Variants in CHM observed in about 807,000 individuals in gnomAD.
CHM encodes rab proteins geranylgeranyltransferase component A 1.
CHM carries 10 observed loss-of-function variants against 49.0 expected under a neutral mutation model. That is an observed-to-expected ratio of 0.20 (90% CI 0.13 to 0.35). The LOEUF is 0.35. Ranked by LOEUF, CHM falls within the 10% of genes least tolerant of loss-of-function variation. The pLI, the probability that CHM is intolerant of heterozygous loss-of-function variation, is 1.00. For synonymous variants in CHM, 184 were observed against 167.5 expected, an observed-to-expected ratio of 1.10 and a Z score of -0.76; for missense variants, 455 against 478.4, an observed-to-expected ratio of 0.95 and a Z score of 0.46.
At chrX:86,028,551 C>T (rs1212348987) in intron 1 of CHM, among the ~76,000 whole-genome samples, 1 of 111,281 alleles carries the variant, frequency 9.0e-6, no homozygotes, top group Non-Finnish European at 1.9e-5. Flanking sequence ...AGCTGATTAT[C>T]ATAAAAAGAC....
intron 5 of CHM, among the ~76,000 whole-genome samples, chrX:85,962,691 T>C (rs887688445): frequency 2.7e-5 from 3 of 111,950 alleles, no homozygotes; most frequent in African/African-American, 9.7e-5. Context: ...TCTCAACTTA[T>C]AGGATTTAGT....
intron 1 of CHM, among the ~76,000 whole-genome samples, chrX:86,040,910 T>G (rs923834815): frequency 3.6e-5 from 4 of 112,191 alleles, no homozygotes; most frequent in Non-Finnish European, 7.5e-5. Context: ...CAACAGTGAT[T>G]TTTAGCCTAT....
chrX:85,988,050 C>A (rs758953036), intron 2 of CHM, among the ~76,000 whole-genome samples: 4 of 111,873 alleles, frequency 3.6e-5, no homozygotes, highest in Non-Finnish European at 7.5e-5. Flanking sequence ...AGGGATATAA[C>A]AGAAAAAGAA....
intron 2 of CHM, among the ~76,000 whole-genome samples, chrX:85,990,529 T>A (rs768217480): frequency 1.6e-4 from 18 of 111,642 alleles, no homozygotes; most frequent in Non-Finnish European, 2.8e-4. Context: ...TTTTGAAAGC[T>A]TCGCATAGCT....
At chrX:86,014,162 G>C (rs1933194102) in intron 2 of CHM, among the ~76,000 whole-genome samples, 1 of 112,055 alleles carries the variant, frequency 8.9e-6, no homozygotes, top group African/African-American at 3.2e-5. Flanking sequence ...AAATGGGAAA[G>C]AGATGTTATG....
intron 14 of CHM, among the ~76,000 whole-genome samples, chrX:85,867,886 T>C (rs1287466911): frequency 1.8e-5 from 2 of 112,226 alleles, no homozygotes; most frequent in African/African-American, 6.5e-5. Context: ...CCAATTACTA[T>C]AGACAATTTA....
chrX:85,874,571 C>T (rs1435187516), intron 13 of CHM, among the ~76,000 whole-genome samples: 1 of 111,318 alleles, frequency 9.0e-6, no homozygotes, highest in East Asian at 2.8e-4. Context: ...ATTTAATTTA[C>T]AGTATCTCCA....
intron 8 of CHM, among the ~76,000 whole-genome samples, chrX:85,942,207 G>A (rs1216518459): frequency 1.8e-5 from 2 of 109,157 alleles, no homozygotes; most frequent in African/African-American, 3.3e-5. Context: ...TATATGAAGA[G>A]GTGCCTATAT....
At chrX:85,915,003 A>G (rs769138337) in intron 8 of CHM, among the ~76,000 whole-genome samples, 1 of 110,278 alleles carries the variant, frequency 9.1e-6, no homozygotes, top group African/African-American at 3.3e-5. Flanking sequence ...CCCAACTTAT[A>G]CCACAAACAA....
chrX:85,921,305 A>G (rs1456966191), intron 8 of CHM, among the ~76,000 whole-genome samples: 1 of 111,584 alleles, frequency 9.0e-6, no homozygotes, highest in Non-Finnish European at 1.9e-5. Context: ...GCAACCAAAG[A>G]TGGCAAACAT....
intron 2 of CHM, among the ~76,000 whole-genome samples, chrX:85,990,909 A>G: frequency 8.9e-6 from 1 of 112,299 alleles, no homozygotes; most frequent in African/African-American, 3.2e-5. Flanking sequence ...TACATATTGT[A>G]TTGTGAAATG....
At chrX:85,890,507 G>A (rs1230858053) in intron 12 of CHM, among the ~76,000 whole-genome samples, 4 of 111,253 alleles carry the variant, frequency 3.6e-5, no homozygotes, top group African/African-American at 6.5e-5. Flanking sequence ...TCTTTCCCAC[G>A]CTATTCTCGT....
chrX:85,939,556 G>C (rs949003014), intron 8 of CHM, among the ~76,000 whole-genome samples: 1 of 112,292 alleles, frequency 8.9e-6, no homozygotes, highest in Non-Finnish European at 1.9e-5. Context: ...ACAGTTACCT[G>C]TACAAGCATG....
At chrX:85,903,347 T>G (rs1306917030) in intron 9 of CHM, among the ~76,000 whole-genome samples, 1 of 111,105 alleles carries the variant, frequency 9.0e-6, no homozygotes, top group Non-Finnish European at 1.9e-5. Flanking sequence ...TGAGTGTAAG[T>G]CTTTAAAAAG....
chrX:85,862,685 C>T lies in CHM; in HGVS notation c.*1945G>A, dbSNP rs1249611355. 9.0e-6 allele frequency: 1 copy of T among 111,621 alleles called. No homozygotes were observed. Among genetic ancestry groups the T allele is most frequent in the Non-Finnish European group, 1.9e-5 (1 of 53,089 alleles). The allele number at this position is 111,621 out of a possible 1,213,427, so 9.2% of individuals were successfully genotyped here. ...GTAGGGATAGGAGCAGCCTGAGAGGCTAGTAAGTTAAGTTCTTCCATTACT... is the reference window on the plus strand; with the variant it reads ...GTAGGGATAGGAGCAGCCTGAGAGGTTAGTAAGTTAAGTTCTTCCATTACT... On this transcript the variant is annotated 3_prime_UTR_variant, in exon 15 of 15. Transcript: ENST00000357749.
chrX:85,968,694 T>C (rs1930712132), intron 4 of CHM, among the ~76,000 whole-genome samples: 1 of 112,066 alleles, frequency 8.9e-6, no homozygotes. Flanking sequence ...TTTCCTCATG[T>C]TTAGAAGTTT....
At chrX:85,961,583 A>C (rs1930298721) in intron 5 of CHM, among the ~76,000 whole-genome samples, 1 of 107,401 alleles carries the variant, frequency 9.3e-6, no homozygotes, top group South Asian at 4.1e-4. Context: ...ATTGCTTTCC[A>C]TCTAGCATGC....
At chrX:85,911,144 T>TATAC (rs1926923005) in intron 9 of CHM, 117 bp downstream of exon 9, 2 of 15,426 alleles carry the variant, frequency 1.3e-4, no homozygotes, top group African/African-American at 7.1e-4. Context: ...TATATATATA[T>TATAC]ATATATATAT....
In CHM at chrX:85,958,039, C is replaced by T. The variant is rs760353136; in HGVS notation, c.820-64G>A. On this transcript the variant is annotated intron_variant, in intron 6 of 14. Transcript: ENST00000357749. Reference sequence around the variant, plus strand: ...CTAATGATATAACTATTCCAAATTACACTTTTTTCCCCTTTACATATAACA... The same window carrying T: ...CTAATGATATAACTATTCCAAATTATACTTTTTTCCCCTTTACATATAACA... 2.1e-4 allele frequency: 248 copies of T among 1,156,152 alleles called. 3 individuals are homozygous for T. The highest frequency in any genetic ancestry group is 6.2e-4 in the Admixed American group (27 of 43,744).
Sources: allele counts gnomAD v4.1 joint callset (sites outside exome capture counted in the v4.1 genomes callset), GRCh38; gene constraint gnomAD v4.1.1; transcripts MANE v1.5; gene names NCBI Gene and HGNC (gene_info 2026-07-23, HGNC 2026-07-21).